SLCO1A2: variants seen among roughly 807,000 people sequenced by gnomAD.
The protein encoded by SLCO1A2 is solute carrier organic anion transporter family member 1A2.
SLCO1A2 carries 67 observed loss-of-function variants against 69.0 expected under a neutral mutation model. That is an observed-to-expected ratio of 0.97 (90% confidence interval 0.80 to 1.19). The LOEUF (loss-of-function observed/expected upper bound fraction) is 1.19, where lower values mean the gene tolerates loss of function less well. Ranked by LOEUF, SLCO1A2 falls within the 50% of genes most tolerant of loss-of-function variation. The probability of loss-of-function intolerance (pLI) is 0.00; values close to 1 mark genes in which losing one functional copy is unlikely to be tolerated. For missense variants in SLCO1A2, 787 were observed against 793.7 expected, an observed-to-expected ratio of 0.99 and a Z score of 0.10; for synonymous variants, 260 against 265.9, an observed-to-expected ratio of 0.98 and a Z score of 0.22.
chr12:21,278,443 G>C (rs1944261028), intron 12 of SLCO1A2, among the ~76,000 whole-genome samples: 5 of 152,102 alleles, frequency 3.3e-5, no homozygotes, highest in African/African-American at 4.8e-5. Flanking sequence ...TGAGACTAGT[G>C]CTGTGCTGGA....
chr12:21,304,267 T>G (rs1431360202), intron 6 of SLCO1A2, among the ~76,000 whole-genome samples, 160 bp downstream of exon 6: 3 of 152,196 alleles, frequency 2.0e-5, no homozygotes, highest in Non-Finnish European at 2.9e-5. Flanking sequence ...TCATTTAGCA[T>G]ATCTCATCTC....
At chr12:21,269,878 G>GATGAGGA in intron 14 of SLCO1A2, 111 bp from the exon 15 acceptor site, 4 of 701,418 alleles carry the variant, frequency 5.7e-6, no homozygotes, top group Non-Finnish European at 8.4e-6. Context: ...TGATGGTTTT[G>GATGAGGA]CATGCTGATC....
chr12:21,272,578 A>ATCAT (rs1191983943), intron 14 of SLCO1A2, among the ~76,000 whole-genome samples: 1 of 151,972 alleles, frequency 6.6e-6, no homozygotes, highest in Admixed American at 6.6e-5. Flanking sequence ...TTTTGTTGAA[A>ATCAT]TCATTAATAT....
At chr12:21,345,818 T>C (rs2136995217) in intron 2 of SLCO1A2, among the ~76,000 whole-genome samples, 1 of 152,186 alleles carries the variant, frequency 6.6e-6, no homozygotes, top group African/African-American at 2.4e-5. Flanking sequence ...TAAGAAATAT[T>C]ATTTTTAAAT....
At chr12:21,307,638 A>G (rs1483808944) in intron 4 of SLCO1A2, among the ~76,000 whole-genome samples, 1 of 152,192 alleles carries the variant, frequency 6.6e-6, no homozygotes, top group Non-Finnish European at 1.5e-5. Flanking sequence ...CAAGATCCAC[A>G]TGCTTTTCCT....
intron 9 of SLCO1A2, among the ~76,000 whole-genome samples, chr12:21,297,082 G>A (rs2136371955): frequency 6.6e-6 from 1 of 152,238 alleles, no homozygotes; most frequent in East Asian, 1.9e-4. Flanking sequence ...AATCCTATCT[G>A]AAAATATGTA....
intron 3 of SLCO1A2, among the ~76,000 whole-genome samples, chr12:21,317,672 A>T (rs4148990): frequency 6.6e-6 from 1 of 152,050 alleles, no homozygotes; most frequent in Non-Finnish European, 1.5e-5. Flanking sequence ...TAAGATCTAA[A>T]GGAGTTGAAC....
intron 8 of SLCO1A2, among the ~76,000 whole-genome samples, chr12:21,299,870 G>C (rs146862451): frequency 9.3e-6 from 1 of 107,856 alleles, no homozygotes; most frequent in Non-Finnish European, 1.9e-5. Context: ...ATATATACGT[G>C]TGTGTATATA....
intron 1 of SLCO1A2, chr12:21,379,658 G>C (rs1940464002): frequency 6.6e-6 from 1 of 152,108 alleles, no homozygotes; most frequent in Non-Finnish European, 1.5e-5. Flanking sequence ...CTTTGAGTTA[G>C]GTAGCTTTGG....
At chr12:21,403,464 AAGACCAACAG>A (rs1404187285) in intron 1 of SLCO1A2, 1 of 152,154 alleles carries the variant, frequency 6.6e-6, no homozygotes, top group Non-Finnish European at 1.5e-5. Context: ...TCCATACTGT[AAGACCAACAG>A]ATTTTTTAAA....
upstream of SLCO1A2, chr12:21,419,450 G>A (rs1041639406): frequency 6.5e-6 from 1 of 153,318 alleles, no homozygotes; most frequent in African/African-American, 2.4e-5. Context: ...GTCAAAGAAA[G>A]GGGTGACGGA....
At chr12:21,405,431 T>C (rs892162536) in intron 1 of SLCO1A2, among the ~76,000 whole-genome samples, 2 of 152,010 alleles carry the variant, frequency 1.3e-5, no homozygotes, top group Admixed American at 1.3e-4. Flanking sequence ...TCAAAATTCA[T>C]ATGGAACCAA....
In SLCO1A2 at chr12:21,266,365, G is replaced by A. The variant is rs1039489892; in HGVS notation, c.*3183C>T. 1.3e-5 allele frequency: 2 copies of A among 152,078 alleles called. No homozygotes were observed. Among genetic ancestry groups the A allele is most frequent in the Non-Finnish European group, 2.9e-5 (2 of 68,014 alleles). The allele number at this position is 152,078 out of a possible 1,614,324, so 9.4% of individuals were successfully genotyped here. On this transcript the variant is annotated 3_prime_UTR_variant, in exon 15 of 15. Coordinates refer to ENST00000683939, the MANE Select transcript of SLCO1A2 (RefSeq NM_001386879.1). ...TATTTATTCAGCTGCAATCCCTAGT[G>A]TCCTTCCAGAGACTGATTAAAAGGC... is the stretch of plus-strand genomic sequence containing the variant.
Position 21,295,683 on chromosome 12 carries a change from G to A in SLCO1A2, c.1185C>T (p.Ser395=). The change falls in exon 10 of 15, where the codon TCC becomes TCT. Residue 395 remains serine, a synonymous_variant. Coordinates refer to ENST00000683939, the MANE Select transcript of SLCO1A2 (RefSeq NM_001386879.1). ...KQAAHIGCWL[S]LLEYLLYFLS... is the part of the protein sequence containing the mutation. ...AAAAATAGAGAAGATACTCAAGTAA[G>A]GATAACCAACATCCTATGTGGGCAG... The A allele has an allele frequency of 6.2e-7, 1 of 1,608,172 alleles. No individual in the cohort carries two copies. Among genetic ancestry groups the A allele is most frequent in the Non-Finnish European group, 8.5e-7 (1 of 1,175,010 alleles).
chr12:21,384,083 G>A (rs911608816), intron 1 of SLCO1A2, among the ~76,000 whole-genome samples: 2 of 151,990 alleles, frequency 1.3e-5, no homozygotes, highest in African/African-American at 4.8e-5. Context: ...AAAGTATCTG[G>A]TATATTTTTA....
rs916984466 is a variant in SLCO1A2, at chr12:21,321,190, C to T, written c.61-2267G>A. 2.0e-4 allele frequency among the ~76,000 whole-genome samples: 30 copies of T among 152,280 alleles called. No homozygotes were observed. In the East Asian group the frequency reaches 4.1e-3, roughly 21 times the overall value. On this transcript the variant is annotated intron_variant, in intron 2 of 14. Transcript: ENST00000683939. Reference sequence around the variant, plus strand: ...TCTTCCTGAAATTCCCTCCCCCATGCATACCTATATCTCTGACTAACTGCT... The same window carrying T: ...TCTTCCTGAAATTCCCTCCCCCATGTATACCTATATCTCTGACTAACTGCT...
intron 2 of SLCO1A2, among the ~76,000 whole-genome samples, chr12:21,321,184 C>A (rs961039723): frequency 2.6e-5 from 4 of 152,158 alleles, no homozygotes; most frequent in African/African-American, 4.8e-5. Flanking sequence ...AATTCCCTCC[C>A]CCATGCATAC....
chr12:21,355,052 A>C (rs1181555198), intron 2 of SLCO1A2: 1 of 152,192 alleles, frequency 6.6e-6, no homozygotes, highest in Non-Finnish European at 1.5e-5. Context: ...TCAAAAATAC[A>C]CTAAATCACT....
At chr12:21,404,292 T>C (rs1431610230) in intron 1 of SLCO1A2, among the ~76,000 whole-genome samples, 6 of 152,148 alleles carry the variant, frequency 3.9e-5, no homozygotes, top group African/African-American at 1.2e-4. Context: ...GTTTGTTACA[T>C]AGGTAAAAAT....
Sources: gnomAD v4.1 joint callset for allele counts (sites outside exome capture counted in the v4.1 genomes callset) on GRCh38, gnomAD v4.1.1 for gene constraint, MANE v1.5 for transcripts, NCBI Gene and HGNC (gene_info 2026-07-23, HGNC 2026-07-21) for gene names.